The following PATL1 variants were observed in gnomAD, a reference collection of about 807,000 sequenced individuals.
PATL1 encodes the protein protein PAT1 homolog 1.
In PATL1, 32 loss-of-function variants were observed where a neutral mutation model predicts 100.6. The ratio of observed to expected loss-of-function variants is 0.32; its 90% CI spans 0.24 to 0.43. The LOEUF (loss-of-function observed/expected upper bound fraction) is 0.43, where lower values mean the gene tolerates loss of function less well. Among genes scored for constraint, PATL1 ranks in the 20% least tolerant of loss-of-function variants. The pLI, the probability that PATL1 is intolerant of heterozygous loss-of-function variation, is 1.00. For missense variants in PATL1, 747 were observed against 949.9 expected, an observed-to-expected ratio of 0.79 and a Z score of 2.81; for synonymous variants, 332 against 330.0, an observed-to-expected ratio of 1.01 and a Z score of -0.07.
chr11:59,666,997 G>A, intron 1 of PATL1, 33 bp from the exon 2 acceptor site: 1 of 1,528,766 alleles, frequency 6.5e-7, no homozygotes, highest in East Asian at 2.5e-5. Flanking sequence ...AGTTATTCAT[G>A]AAATTCACAC....
At chr11:59,640,125 T>C (rs780013940) in intron 16 of PATL1, among the ~76,000 whole-genome samples, 1 of 148,544 alleles carries the variant, frequency 6.7e-6, no homozygotes. Flanking sequence ...GTGGATGACC[T>C]GAGGTCAGGA....
chr11:59,666,704 G>T (rs887741040), intron 2 of PATL1, 149 bp downstream of exon 2: 16 of 819,678 alleles, frequency 2.0e-5, no homozygotes, highest in Non-Finnish European at 2.8e-5. Context: ...TTCCAGTGAA[G>T]AATGAACTAT....
chr11:59,667,649 G>A (rs1861710245), intron 1 of PATL1, among the ~76,000 whole-genome samples: 3 of 152,188 alleles, frequency 2.0e-5, no homozygotes, highest in South Asian at 2.1e-4. Flanking sequence ...AAGGTTCTGT[G>A]CTAGGCTGTA....
Position 59,655,648 on chromosome 11 carries a change from T to G in PATL1, c.906A>C (p.Gln302His). ...GGGGAAGCATCTGCCCAACTCGCCC[T>G]TGTAGCAACTTGGGATTCATGGCAG... ...PLAAMNPKLL[Q>H]GRVGQMLPPA... The change falls in exon 8 of 19, where the codon CAA becomes CAC. Residue 302 changes from glutamine to histidine, a missense_variant. Physicochemically the swap from Gln to His is conservative, Grantham distance 24 (BLOSUM62 0). Coordinates refer to ENST00000300146, the MANE Select transcript of PATL1 (RefSeq NM_152716.3). 1 of 1,602,340 alleles carries G rather than the reference T, an allele frequency of 6.2e-7. No individual in the cohort carries two copies. The highest frequency in any genetic ancestry group is 2.2e-5 in the East Asian group (1 of 44,502).
At chr11:59,650,523 C>CCAATA (rs1861426085) in intron 13 of PATL1, among the ~76,000 whole-genome samples, 1 of 152,190 alleles carries the variant, frequency 6.6e-6, no homozygotes, top group Admixed American at 6.5e-5. Flanking sequence ...GGACAAAAAC[C>CCAATA]CAATACACTT....
chr11:59,665,921 T>C lies in PATL1; in HGVS notation c.127+932A>G, dbSNP rs566835518. 4.6e-5 allele frequency among the ~76,000 whole-genome samples: 7 copies of C among 152,372 alleles called. No individual in the cohort carries two copies. The South Asian group carries it at 1.4e-3, about 32-fold the overall frequency. On this transcript the variant is annotated intron_variant, in intron 2 of 18. Coordinates refer to ENST00000300146, the MANE Select transcript of PATL1 (RefSeq NM_152716.3). ...AGCTTACTTCCTAAATTTTCCATCT[T>C]GGCATTTATAACCCCGTGGCCTGTA...
At chr11:59,668,786 T>TG (rs1436452243) in intron 1 of PATL1, 95 bp downstream of exon 1, 5 of 578,206 alleles carry the variant, frequency 8.6e-6, no homozygotes, top group Non-Finnish European at 1.5e-5. Context: ...GCCCGCCCCC[T>TG]GCCCCGCAGG....
chr11:59,659,241 AACTT>A lies in PATL1; in HGVS notation c.345+7_345+10del. On this transcript the variant is annotated splice_region_variant and intron_variant, in intron 3 of 18. Transcript: ENST00000300146. The stretch of plus-strand genomic sequence containing the variant: ...TCTGCTATAGTTCTCAAATCACAGT[AACTT>A]ACTTACTTGTAAAACTGGCCTGGTC... 14 of 1,549,428 alleles carry A rather than the reference AACTT, an allele frequency of 9.0e-6. No homozygotes were observed. Among genetic ancestry groups the A allele is most frequent in the Non-Finnish European group, 1.2e-5 (14 of 1,145,164 alleles).
At chr11:59,644,088 T>G (rs759726243) in intron 15 of PATL1, among the ~76,000 whole-genome samples, 8 of 152,150 alleles carry the variant, frequency 5.3e-5, no homozygotes, top group Admixed American at 1.3e-4. Context: ...TACTATAAAT[T>G]AAAAAAGCTT....
At chr11:59,645,512 T>C (rs78386734) in intron 15 of PATL1, among the ~76,000 whole-genome samples, 1 of 151,890 alleles carries the variant, frequency 6.6e-6, no homozygotes, top group East Asian at 2.0e-4. Flanking sequence ...ATTTATTAGC[T>C]AAAATTCTTC....
intron 14 of PATL1, among the ~76,000 whole-genome samples, chr11:59,648,213 T>TC (rs1861391199): frequency 7.0e-6 from 1 of 143,788 alleles, no homozygotes; most frequent in Non-Finnish European, 1.5e-5. Context: ...TGAGACGAAG[T>TC]CCCGCTTTGT....
At chr11:59,667,093 A>C (rs1399647327) in intron 1 of PATL1, 129 bp from the exon 2 acceptor site, 29 of 1,407,884 alleles carry the variant, frequency 2.1e-5, no homozygotes, top group Non-Finnish European at 2.7e-5. Flanking sequence ...TAAAGATGGC[A>C]TTTTTTTTCT....
rs758221100 is a variant in PATL1, at chr11:59,652,547, T to G, written c.1343A>C (p.Glu448Ala). ...CTTCTTAGGGCCATCACCTTGTATT[T>G]CTTCAGCAGCTGACAGTTTCTCCAG... is the stretch of plus-strand genomic sequence containing the variant. ...EKLEKLSAAE[E>A]IQGDGPKKER... Residue 448 changes from glutamate (E) to alanine (A), a missense_variant, in exon 11 of 19, where the codon GAA (glutamate) becomes GCA (alanine). Physicochemically the swap from Glu to Ala is moderately radical, Grantham distance 107. Transcript: ENST00000300146. 2.7e-5 allele frequency: 43 copies of G among 1,613,770 alleles called. No homozygotes were observed. Among genetic ancestry groups the G allele is most frequent in the Non-Finnish European group, 3.6e-5 (42 of 1,179,840 alleles).
At chr11:59,646,089 G>A (rs1185125110) in intron 15 of PATL1, among the ~76,000 whole-genome samples, 11 of 152,274 alleles carry the variant, frequency 7.2e-5, no homozygotes, top group Non-Finnish European at 1.2e-4. Context: ...CTGGCACATA[G>A]AAGTATTCAG....
intron 1 of PATL1, 107 bp downstream of exon 1, chr11:59,668,774 C>T: frequency 1.3e-5 from 8 of 606,984 alleles, no homozygotes; most frequent in Non-Finnish European, 2.0e-5. Context: ...GCGACTCCCC[C>T]AGCCCGCCCC....
At chr11:59,654,330 A>G (rs927750185) in intron 8 of PATL1, among the ~76,000 whole-genome samples, 1 of 151,986 alleles carries the variant, frequency 6.6e-6, no homozygotes. Flanking sequence ...TACAAAAATT[A>G]GCTGGGCATG....
At chr11:59,643,869 G>A (rs1861324535) in intron 15 of PATL1, among the ~76,000 whole-genome samples, 1 of 152,142 alleles carries the variant, frequency 6.6e-6, no homozygotes, top group Non-Finnish European at 1.5e-5. Context: ...CAAGGCTGTT[G>A]AATTCCAGCC....
intron 2 of PATL1, among the ~76,000 whole-genome samples, chr11:59,660,748 GGCTTAACTTTTAA>G (rs1460250104): frequency 2.0e-5 from 3 of 152,152 alleles, no homozygotes; most frequent in South Asian, 4.1e-4. Context: ...ATTTTCATTT[GGCTTAACTTTTAA>G]AAGAATCACT....
At chr11:59,649,639 G>A (rs780166003) in intron 13 of PATL1, 29 bp from the exon 14 acceptor site, 2 of 1,604,442 alleles carry the variant, frequency 1.2e-6, no homozygotes, top group Non-Finnish European at 1.7e-6. Context: ...GCAGGCCACA[G>A]CATGCTAGGT....
Sources: gnomAD v4.1 joint callset for allele counts (sites outside exome capture counted in the v4.1 genomes callset) on GRCh38, gnomAD v4.1.1 for gene constraint, MANE v1.5 for transcripts, NCBI Gene and HGNC (gene_info 2026-07-23, HGNC 2026-07-21) for gene names.